The following SPTA1 variants were observed in gnomAD, a reference collection of about 807,000 sequenced individuals.
The protein encoded by SPTA1 is spectrin alpha, erythrocytic 1.
SPTA1 carries 177 observed loss-of-function variants against 324.7 expected under a neutral mutation model. The observed-to-expected ratio is 0.55, with a 90% CI of 0.48 to 0.62. The LOEUF is 0.62. Among genes scored for constraint, SPTA1 ranks in the 20% least tolerant of loss-of-function variants. The probability of loss-of-function intolerance (pLI) is 0.00; values close to 1 mark genes in which losing one functional copy is unlikely to be tolerated. For missense variants in SPTA1, 3,162 were observed against 2,883.6 expected (o/e 1.10, Z -2.21); for synonymous variants, 1,195 against 1,041.3 (o/e 1.15, Z -2.84).
chr1:158,683,362 T>C lies in SPTA1; in HGVS notation c.390+9A>G, dbSNP rs751798573. The C allele has an allele frequency of 7.4e-6, 12 of 1,613,060 alleles. No individual in the cohort carries two copies. Among genetic ancestry groups the C allele is most frequent in the South Asian group, 6.6e-5 (6 of 91,076 alleles). The stretch of plus-strand genomic sequence containing the variant: ...AATTGGAAACTTCTTCAAGGGCCCA[T>C]ACATATACCTTCGTTTCTTCGTGGG... On this transcript the variant is annotated intron_variant, in intron 3 of 51. Transcript: ENST00000643759.
At chr1:158,672,009 G>A in intron 11 of SPTA1, 50 bp downstream of exon 11, 1 of 1,610,560 alleles carries the variant, frequency 6.2e-7, no homozygotes, top group South Asian at 1.1e-5. Flanking sequence ...GGTGGCAAAT[G>A]AAGGGTGAGA....
intron 16 of SPTA1, among the ~76,000 whole-genome samples, chr1:158,664,540 C>A (rs1212463647): frequency 2.0e-5 from 3 of 152,024 alleles, no homozygotes; most frequent in Non-Finnish European, 4.4e-5. Context: ...GACTTAAATA[C>A]CTAATGCATG....
intron 11 of SPTA1, among the ~76,000 whole-genome samples, chr1:158,671,673 A>G (rs982528300): frequency 1.3e-5 from 2 of 152,140 alleles, no homozygotes; most frequent in African/African-American, 4.8e-5. Context: ...GTCTGTCCAC[A>G]TGGAATTCCT....
At position 158,654,081 on chromosome 1, in the gene SPTA1, A is replaced by T. The variant is rs1237538872; in HGVS notation, c.3036+530T>A. ...CTTTTCTTCTTAAGAATTTTTGTAG[A>T]TTAATTAGGTATCAGAGTATAAAAA... On this transcript the variant is annotated intron_variant, in intron 21 of 51. Transcript: ENST00000643759. Among the ~76,000 whole-genome samples the T allele has an allele frequency of 2.0e-5, 3 of 152,320 alleles. No homozygotes were observed. In the East Asian group the frequency reaches 5.8e-4, roughly 29 times the overall value.
At chr1:158,652,675 G>A (rs772570960) in intron 22 of SPTA1, 22 bp from the exon 23 acceptor site, 53 of 1,613,674 alleles carry the variant, frequency 3.3e-5, no homozygotes, top group Non-Finnish European at 4.1e-5. Flanking sequence ...ATTGGGAAAA[G>A]TGGAATAAAA....
chr1:158,619,846 G>A (rs1321106690), intron 44 of SPTA1, among the ~76,000 whole-genome samples: 3 of 152,184 alleles, frequency 2.0e-5, no homozygotes, highest in Non-Finnish European at 4.4e-5. Flanking sequence ...TGTCTTGAAT[G>A]AGGGGGATAT....
rs374774131 is a variant in SPTA1 at position 158,642,971 on chromosome 1, T to C, written c.4448A>G (p.Lys1483Arg). Residue 1483 changes from lysine to arginine, a missense_variant, in exon 32 of 52, where the codon AAG becomes AGG. Coordinates refer to ENST00000643759, the MANE Select transcript of SPTA1 (RefSeq NM_003126.4). ...TRLQRVLDRW[K>R]ALKAQLIDER... is the part of the protein sequence containing the mutation. ...ATCAATCAGTTGTGCTTTGAGAGCC[T>C]TCCACCTAGAGGACGGAGCCAAATC... 25 of 1,613,468 alleles carry C rather than the reference T, an allele frequency of 1.5e-5. No homozygotes were observed. In the African/African-American group the frequency reaches 3.1e-4, roughly 20 times the overall value.
chr1:158,680,633 T>C lies in SPTA1; in HGVS notation c.628A>G (p.Lys210Glu). 6.2e-7 allele frequency: 1 copy of C among 1,613,946 alleles called. No individual in the cohort carries two copies. Among genetic ancestry groups the C allele is most frequent in the African/African-American group, 1.3e-5 (1 of 75,036 alleles). ...TTCACTTCAACAACTCTCCCTTCTT[T>C]AGCTACCAGCTCCACTTGGAAGTCT... ...FEDFQVELVAKEGRVVEVNQY... is the reference protein window; with the variant it reads ...FEDFQVELVAEEGRVVEVNQY... Residue 210 changes from lysine (K) to glutamate (E), a missense_variant, in exon 5 of 52, where the codon AAA (lysine) becomes GAA (glutamate). Coordinates refer to ENST00000643759, the MANE Select transcript of SPTA1 (RefSeq NM_003126.4).
chr1:158,642,333 A>T (rs887807098), intron 33 of SPTA1, 78 bp downstream of exon 33: 1 of 1,450,766 alleles, frequency 6.9e-7, no homozygotes, highest in Non-Finnish European at 9.2e-7. Flanking sequence ...AAAAAAATAC[A>T]ATAAATTAAA....
In SPTA1 at chr1:158,677,762, G is replaced by A. The variant is rs1654495153; in HGVS notation, c.885C>T (p.Asp295=). 1 of 1,613,656 alleles carries A rather than the reference G, an allele frequency of 6.2e-7. No individual in the cohort carries two copies. The highest frequency in any genetic ancestry group is 8.5e-7 in the Non-Finnish European group (1 of 1,179,726). ...GAAACAGTCCTTCAGAGGCAACAAG[G>A]TCTTTGCCATAGTCCTCAGAGGTGA... ...PVLTSEDYGK[D]LVASEGLFHS... is the part of the protein sequence containing the mutation. The change falls in exon 7 of 52, where the codon GAC becomes GAT. Residue 295 remains aspartate, a synonymous_variant. Coordinates refer to ENST00000643759, the MANE Select transcript of SPTA1 (RefSeq NM_003126.4).
chr1:158,669,494 G>T lies in SPTA1; in HGVS notation c.1747C>A (p.Leu583Ile). 6.2e-7 allele frequency: 1 copy of T among 1,614,114 alleles called. No individual in the cohort carries two copies. Among genetic ancestry groups the T allele is most frequent in the Non-Finnish European group, 8.5e-7 (1 of 1,180,016 alleles). The change falls in exon 14 of 52, where the codon CTT (leucine) becomes ATT (isoleucine). Residue 583 changes from leucine (L) to isoleucine (I), a missense_variant. Physicochemically the swap from Leu to Ile is conservative, Grantham distance 5 (BLOSUM62 2). Transcript: ENST00000643759. ...GAGTCCTCATACAGTTTTTGCAGAA[G>T]CAATGACTCCTTCAGCAATCTACGT... ...TRRRLLKESL[L>I]LQKLYEDSDD...
chr1:158,649,772 C>T (rs1652281553), intron 25 of SPTA1, 84 bp downstream of exon 25: 5 of 1,145,748 alleles, frequency 4.4e-6, no homozygotes, highest in Non-Finnish European at 6.5e-6. Context: ...AAAGATTATA[C>T]TATGGTTCCA....
chr1:158,648,318 A>G (rs774125579), intron 26 of SPTA1, among the ~76,000 whole-genome samples, 191 bp downstream of exon 26: 2 of 152,152 alleles, frequency 1.3e-5, no homozygotes, highest in Non-Finnish European at 2.9e-5. Flanking sequence ...TTTTTTCCCC[A>G]TGTTAATGGT....
At chr1:158,629,567 A>C (rs1204304693) in intron 39 of SPTA1, among the ~76,000 whole-genome samples, 1 of 152,114 alleles carries the variant, frequency 6.6e-6, no homozygotes, top group Non-Finnish European at 1.5e-5. Context: ...AAAAGCCCAC[A>C]GCTAACATCA....
chr1:158,655,050 A>T (rs1487217762), intron 20 of SPTA1, among the ~76,000 whole-genome samples: 1 of 152,220 alleles, frequency 6.6e-6, no homozygotes, highest in Non-Finnish European at 1.5e-5. Flanking sequence ...ACATTTTAAG[A>T]AGTGTACTCC....
At position 158,627,704 on chromosome 1, in the gene SPTA1, T is replaced by G; in HGVS notation, c.5585A>C (p.Glu1862Ala). Residue 1862 changes from glutamate (E) to alanine (A), a missense_variant, in exon 40 of 52, where the codon GAA becomes GCA. Coordinates refer to ENST00000643759, the MANE Select transcript of SPTA1 (RefSeq NM_003126.4). ...GACAGCAAAGTCATTTTCCAAAGCT[T>G]CATGCTTCATTAGCAAGCTCTGCAT... is the stretch of plus-strand genomic sequence containing the variant. ...AATQSLLMKH[E>A]ALENDFAVHE... 6.2e-7 allele frequency: 1 copy of G among 1,612,886 alleles called. No individual in the cohort carries two copies. Among genetic ancestry groups the G allele is most frequent in the Non-Finnish European group, 8.5e-7 (1 of 1,179,692 alleles).
rs904819319 is a variant in SPTA1 at position 158,668,038 on chromosome 1, C to T, written c.1858G>A (p.Val620Ile). The T allele has an allele frequency of 7.4e-6, 12 of 1,611,154 alleles. No homozygotes were observed. The highest frequency in any genetic ancestry group is 1.0e-5 in the Non-Finnish European group (12 of 1,179,762). The change falls in exon 15 of 52, where the codon GTT (valine) becomes ATT (isoleucine). Residue 620 changes from valine (V) to isoleucine (I), a missense_variant. Coordinates refer to ENST00000643759, the MANE Select transcript of SPTA1 (RefSeq NM_003126.4). ...YKDIQNLKSR[V>I]QKQQVFEKEL... ...TTTTCAAAGACTTGCTGCTTTTGAA[C>T]CCTGCTCTTCAAGTTCTGTATGTCC...
chr1:158,673,552 G>C (rs745570383), intron 10 of SPTA1, among the ~76,000 whole-genome samples: 2 of 152,196 alleles, frequency 1.3e-5, no homozygotes, highest in Non-Finnish European at 2.9e-5. Context: ...ACAGATGCAG[G>C]AATGTCAGCT....
chr1:158,623,975 A>T (rs1650093267), intron 42 of SPTA1, among the ~76,000 whole-genome samples: 1 of 152,232 alleles, frequency 6.6e-6, no homozygotes, highest in African/African-American at 2.4e-5. Flanking sequence ...GCCAAGGTGC[A>T]ACTCAGATCA....
Sources: gnomAD v4.1 joint callset for allele counts (sites outside exome capture counted in the v4.1 genomes callset) on GRCh38, gnomAD v4.1.1 for gene constraint, MANE v1.5 for transcripts, NCBI Gene and HGNC (gene_info 2026-07-23, HGNC 2026-07-21) for gene names.